The following ERICH3 variants were observed in gnomAD, a reference collection of about 807,000 sequenced individuals.
ERICH3 encodes the protein glutamate-rich protein 3.
Under a neutral mutation model 131.1 loss-of-function variants are expected in ERICH3, and 126 were observed. The observed-to-expected ratio is 0.96, with a 90% CI of 0.83 to 1.11. The LOEUF (loss-of-function observed/expected upper bound fraction) is 1.11. Among genes scored for constraint, ERICH3 ranks in the 50% most tolerant of loss-of-function variants. ERICH3 has a pLI of 0.00. For missense variants in ERICH3, 2,050 were observed against 1,810.7 expected, an observed-to-expected ratio of 1.13 and a Z score of -2.40; for synonymous variants, 695 against 644.6, an observed-to-expected ratio of 1.08 and a Z score of -1.18.
Position 74,612,724 on chromosome 1 carries a change from T to C in ERICH3, c.1086A>G (p.Leu362=). The C allele has an allele frequency of 6.2e-7, 1 of 1,607,692 alleles. No homozygotes were observed. The highest frequency in any genetic ancestry group is 8.5e-7 in the Non-Finnish European group (1 of 1,175,126). ...GATGCTTGTATTCACAACAGGAGCT[T>C]AACCTGTTCACCTGCATCCCATTCA... The part of the protein sequence containing the change: ...FFLNGMQVNR[L]SSCCEYKHRK... Residue 362 remains leucine (L), a synonymous_variant, in exon 9 of 15, where the codon TTA becomes TTG. Coordinates refer to ENST00000326665, the MANE Select transcript of ERICH3 (RefSeq NM_001002912.5).
chr1:74,573,223 C>T lies in ERICH3; in HGVS notation c.2487G>A (p.Arg829=), dbSNP rs374973689. The T allele has an allele frequency of 5.0e-6, 8 of 1,611,720 alleles. No individual in the cohort carries two copies. The highest frequency in any genetic ancestry group is 1.7e-4 in the Middle Eastern group (1 of 6,052). ...CCCTTTCTATGCCTGGAGGGATCTC[C>T]CTTTTTTCTGTAAACTCTTCTGCCA... ...PELAEEFTEK[R]EIPPGIERGA... The change falls in exon 14 of 15, where the codon AGG becomes AGA. Residue 829 remains arginine (R), a synonymous_variant. Transcript: ENST00000326665.
At chr1:74,593,123 A>T (rs1647685143) in intron 11 of ERICH3, among the ~76,000 whole-genome samples, 1 of 152,144 alleles carries the variant, frequency 6.6e-6, no homozygotes, top group South Asian at 2.1e-4. Flanking sequence ...CAAAGAAAAG[A>T]TCTGCACTCA....
rs367602740 is a variant in ERICH3, at chr1:74,643,150, A to G, written c.244-52T>C. ...GAGAATCATATCAGTTATAGCAAAG[A>G]CCAGTTTAGAGGAAAATAATTCCAA... On this transcript the variant is annotated intron_variant, in intron 3 of 14. Transcript: ENST00000326665. The G allele has an allele frequency of 3.6e-6, 5 of 1,395,516 alleles. No individual in the cohort carries two copies. The East Asian group carries it at 9.2e-5, about 26-fold the overall frequency. The allele number at this position is 1,395,516 out of a possible 1,614,324, so 86.4% of individuals were successfully genotyped here.
chr1:74,646,667 C>A lies in ERICH3; in HGVS notation c.243G>T (p.Glu81Asp). Residue 81 changes from glutamate to aspartate, a missense_variant and splice_region_variant, in exon 3 of 15, where the codon GAG becomes GAT. Physicochemically the swap from Glu to Asp is conservative, Grantham distance 45 (BLOSUM62 2). Coordinates refer to ENST00000326665, the MANE Select transcript of ERICH3 (RefSeq NM_001002912.5). The stretch of plus-strand genomic sequence containing the variant: ...ATAAAAAATAAGTATATATTTTTAC[C>A]TCCATATCAAGAACTTTATGAAAAA... ...QAIFHKVLDM[E>D]RYHQLEIKKK... 7.7e-7 allele frequency: 1 copy of A among 1,305,074 alleles called. No homozygotes were observed. Among genetic ancestry groups the A allele is most frequent in the Non-Finnish European group, 1.0e-6 (1 of 958,522 alleles). 80.8% of individuals were successfully genotyped at this position (1,305,074 alleles called of 1,614,324 possible).
At chr1:74,634,708 A>G (rs1339973412) in intron 6 of ERICH3, 1 of 705,544 alleles carries the variant, frequency 1.4e-6, no homozygotes, top group Non-Finnish European at 2.6e-6. Flanking sequence ...TATCTAGGGG[A>G]GAGGAAATCC....
intron 13 of ERICH3, among the ~76,000 whole-genome samples, chr1:74,573,993 CTTTT>C (rs59687548): frequency 7.4e-6 from 1 of 135,842 alleles, no homozygotes; most frequent in Non-Finnish European, 1.6e-5. Context: ...CTTTTTCTCT[CTTTT>C]TTTTTTTTTT....
intron 7 of ERICH3, chr1:74,621,456 T>G (rs1273910635): frequency 6.6e-6 from 1 of 152,316 alleles, no homozygotes; most frequent in South Asian, 2.1e-4. Context: ...GATGCACATG[T>G]ATGATTTCTT....
chr1:74,610,420 TTACCA>T (rs1163353713), intron 9 of ERICH3, among the ~76,000 whole-genome samples: 5 of 147,646 alleles, frequency 3.4e-5, no homozygotes, highest in African/African-American at 1.3e-4. Context: ...TTTCCTCCCG[TTACCA>T]TACAAGAATG....
intron 11 of ERICH3, among the ~76,000 whole-genome samples, chr1:74,596,622 G>A (rs1324614537): frequency 6.6e-6 from 1 of 151,886 alleles, no homozygotes; most frequent in Non-Finnish European, 1.5e-5. Flanking sequence ...TCTTACTCAT[G>A]GACACTATCA....
rs1417562768 is a variant in ERICH3, at chr1:74,654,374, GTATA to G, written c.24-5063_24-5060del. Among the ~76,000 whole-genome samples, 1,388 of 151,276 alleles carry G rather than the reference GTATA, an allele frequency of 9.2e-3. 31 individuals carry two copies. Among genetic ancestry groups the G allele is most frequent in the African/African-American group, 0.032 (1,322 of 41,168 alleles). On this transcript the variant is annotated intron_variant, in intron 1 of 14. Transcript: ENST00000326665. ...GATATGTGTATATATATATATGTAT[GTATA>G]TATGTATATCCTACAGTAGGATATG... is the stretch of plus-strand genomic sequence containing the variant.
At chr1:74,664,328 G>A (rs1285161107) in intron 1 of ERICH3, among the ~76,000 whole-genome samples, 1 of 149,194 alleles carries the variant, frequency 6.7e-6, no homozygotes, top group African/African-American at 2.5e-5. Flanking sequence ...AAAAAAACTT[G>A]TATCCCTAGT....
chr1:74,619,367 C>G (rs1015970659), intron 8 of ERICH3, among the ~76,000 whole-genome samples: 7 of 152,176 alleles, frequency 4.6e-5, no homozygotes, highest in African/African-American at 1.7e-4. Context: ...AAGTCCAGGA[C>G]AGTTTTCATC....
chr1:74,674,062 C>A (rs1001640713), upstream of ERICH3, among the ~76,000 whole-genome samples: 3 of 152,146 alleles, frequency 2.0e-5, no homozygotes, highest in Non-Finnish European at 4.4e-5. Context: ...CTGCGTGATG[C>A]GGTGGTTTCC....
At chr1:74,603,319 C>T (rs1199994689) in intron 10 of ERICH3, among the ~76,000 whole-genome samples, 1 of 151,822 alleles carries the variant, frequency 6.6e-6, no homozygotes, top group Admixed American at 6.6e-5. Context: ...TTAGACAAAC[C>T]TGGGTGCAAA....
At chr1:74,631,644 A>G in intron 7 of ERICH3, 69 bp downstream of exon 7, 1 of 1,307,736 alleles carries the variant, frequency 7.6e-7, no homozygotes, top group Non-Finnish European at 1.1e-6. Flanking sequence ...TTTACTGCAA[A>G]CCTAGAAATC....
intron 9 of ERICH3, among the ~76,000 whole-genome samples, chr1:74,608,907 C>T (rs1298881349): frequency 6.6e-6 from 1 of 151,970 alleles, no homozygotes; most frequent in East Asian, 1.9e-4. Flanking sequence ...TATGTTGTTA[C>T]TTTTAGTTTA....
rs2100610669 is a variant in ERICH3, at chr1:74,620,927, G to A, written c.820-13C>T. The A allele has an allele frequency of 6.5e-7, 1 of 1,530,538 alleles. No individual in the cohort carries two copies. Among genetic ancestry groups the A allele is most frequent in the South Asian group, 1.3e-5 (1 of 77,110 alleles). 94.8% of individuals were successfully genotyped at this position (1,530,538 alleles called of 1,614,324 possible). A position where few individuals can be genotyped will look rare whatever the true frequency, so the allele number is the denominator to read the frequency against. ...TCCTTCTTGAATCCTGAAATAAACA[G>A]AAAAATGAGGCTTATTAACGAATTA... On this transcript the variant is annotated splice_polypyrimidine_tract_variant and intron_variant, in intron 7 of 14. Coordinates refer to ENST00000326665, the MANE Select transcript of ERICH3 (RefSeq NM_001002912.5).
chr1:74,625,840 G>A (rs1649397076), intron 7 of ERICH3: 2 of 152,128 alleles, frequency 1.3e-5, no homozygotes, highest in African/African-American at 2.4e-5. Context: ...GGATGAAAAA[G>A]GATTATCAGG....
chr1:74,635,500 ATATATC>A (rs1646380701), intron 6 of ERICH3, among the ~76,000 whole-genome samples: 3 of 152,178 alleles, frequency 2.0e-5, no homozygotes, highest in Admixed American at 2.0e-4. Context: ...TCTTAATTTC[ATATATC>A]TTGCGTTTCT....
Sources: gnomAD v4.1 joint callset for allele counts (sites outside exome capture counted in the v4.1 genomes callset) on GRCh38, gnomAD v4.1.1 for gene constraint, MANE v1.5 for transcripts, NCBI Gene and HGNC (gene_info 2026-07-23, HGNC 2026-07-21) for gene names.